Variants in NEGR1 observed in about 807,000 individuals in gnomAD.
NEGR1 encodes the protein neuronal growth regulator 1.
A neutral mutation model predicts 40.9 loss-of-function variants in NEGR1; 10 were observed. That is an observed-to-expected ratio of 0.24 (90% CI 0.15 to 0.42). The LOEUF (loss-of-function observed/expected upper bound fraction) is 0.42. Ranked by LOEUF, NEGR1 falls within the 10% of genes least tolerant of loss-of-function variation. NEGR1 has a pLI of 1.00. For missense variants in NEGR1, 352 were observed against 438.9 expected (o/e 0.80, Z 1.77); for synonymous variants, 185 against 166.8 (o/e 1.11, Z -0.84).
intron 1 of NEGR1, among the ~76,000 whole-genome samples, chr1:72,130,621 C>T (rs1650209985): frequency 6.6e-6 from 1 of 152,132 alleles, no homozygotes; most frequent in Admixed American, 6.6e-5. Context: ...TTTAGGGTGA[C>T]TCCAGTCACG....
At chr1:72,080,194 T>C (rs1461727759) in intron 1 of NEGR1, among the ~76,000 whole-genome samples, 1 of 152,128 alleles carries the variant, frequency 6.6e-6, no homozygotes, top group Admixed American at 6.6e-5. Flanking sequence ...ATCTACAATT[T>C]ATTATCAGGG....
intron 2 of NEGR1, among the ~76,000 whole-genome samples, chr1:71,782,945 A>C (rs1656767973): frequency 6.6e-6 from 1 of 152,028 alleles, no homozygotes; most frequent in Admixed American, 6.6e-5. Flanking sequence ...TTTTTAACAG[A>C]ATGGTCTGTC....
intron 2 of NEGR1, among the ~76,000 whole-genome samples, chr1:71,835,807 G>A (rs981059279): frequency 1.3e-5 from 2 of 152,054 alleles, no homozygotes; most frequent in Non-Finnish European, 2.9e-5. Flanking sequence ...GTGCTAGGAG[G>A]TTTATCACTT....
intron 6 of NEGR1, among the ~76,000 whole-genome samples, chr1:71,423,766 G>A (rs1429892934): frequency 2.0e-5 from 3 of 150,176 alleles, no homozygotes; most frequent in Non-Finnish European, 4.4e-5. Flanking sequence ...ATTTTTTTTT[G>A]TTAATCTCTT....
chr1:71,556,087 A>G (rs1183544871), intron 6 of NEGR1, among the ~76,000 whole-genome samples: 1 of 151,498 alleles, frequency 6.6e-6, no homozygotes, highest in Non-Finnish European at 1.5e-5. Flanking sequence ...TACTTAATAT[A>G]CCATGAGATG....
At chr1:71,726,374 A>G (rs767174890) in intron 3 of NEGR1, among the ~76,000 whole-genome samples, 8 of 152,130 alleles carry the variant, frequency 5.3e-5, no homozygotes, top group African/African-American at 7.2e-5. Context: ...TAACTGCATT[A>G]AGCATGATTC....
intron 1 of NEGR1, among the ~76,000 whole-genome samples, chr1:72,260,652 T>G (rs893179879): frequency 6.6e-6 from 1 of 152,080 alleles, no homozygotes; most frequent in Admixed American, 6.6e-5. Flanking sequence ...ACTGACTAAC[T>G]TGCCCCAGTA....
At chr1:71,503,374 C>T (rs1271177990) in intron 6 of NEGR1, among the ~76,000 whole-genome samples, 1 of 152,104 alleles carries the variant, frequency 6.6e-6, no homozygotes, top group Non-Finnish European at 1.5e-5. Flanking sequence ...AAAGCCCTCA[C>T]CCAGCGAAAA....
intron 2 of NEGR1, among the ~76,000 whole-genome samples, chr1:71,927,818 TAAAAAAAA>T (rs35429988): frequency 0.086 from 1,872 of 21,844 alleles, 16 homozygotes; most frequent in Middle Eastern, 0.12. Context: ...ACCCAATCTC[TAAAAAAAA>T]AAAAAAAAAA....
chr1:72,229,580 TG>T (rs754146683), intron 1 of NEGR1, among the ~76,000 whole-genome samples: 54 of 150,802 alleles, frequency 3.6e-4, no homozygotes, highest in Non-Finnish European at 7.1e-4. Context: ...GATTATAATC[TG>T]GAAAATATAC....
intron 1 of NEGR1, among the ~76,000 whole-genome samples, chr1:72,071,420 C>T (rs955713554): frequency 6.6e-6 from 1 of 151,962 alleles, no homozygotes; most frequent in African/African-American, 2.4e-5. Context: ...TAACAAGTAT[C>T]CCAAATTAGG....
intron 2 of NEGR1, among the ~76,000 whole-genome samples, chr1:71,840,027 A>C (rs1322839721): frequency 6.6e-6 from 1 of 152,188 alleles, no homozygotes; most frequent in Non-Finnish European, 1.5e-5. Flanking sequence ...ACAATAATGT[A>C]ATAAGGCTTT....
intron 2 of NEGR1, among the ~76,000 whole-genome samples, chr1:71,840,614 C>G (rs796833543): frequency 6.6e-6 from 1 of 152,114 alleles, no homozygotes; most frequent in South Asian, 2.1e-4. Context: ...TTATGATACT[C>G]AGAGTAATCA....
chr1:71,696,961 T>C (rs1008701557), intron 4 of NEGR1, among the ~76,000 whole-genome samples: 1 of 151,850 alleles, frequency 6.6e-6, no homozygotes, highest in Non-Finnish European at 1.5e-5. Flanking sequence ...ACCCTAAGTA[T>C]ATAGATTAGT....
chr1:72,093,004 C>A (rs1287952899), intron 1 of NEGR1, among the ~76,000 whole-genome samples: 3 of 151,956 alleles, frequency 2.0e-5, no homozygotes, highest in African/African-American at 4.8e-5. Flanking sequence ...GAATATTTTA[C>A]AAGCCTTGTA....
In NEGR1 at chr1:71,656,521, T is replaced by C. The variant is rs149724016; in HGVS notation, c.667+41487A>G. Among the ~76,000 whole-genome samples the C allele has an allele frequency of 6.0e-3, 914 of 152,286 alleles. 18 individuals are homozygous for C. Among genetic ancestry groups the C allele is most frequent in the African/African-American group, 0.02 (849 of 41,548 alleles). ...TCCACCTCCCGGGTTCACGCCATTC[T>C]CCTGCCTCAGCCTCCCGAGTAGCTG... On this transcript the variant is annotated intron_variant, in intron 4 of 6. Coordinates refer to ENST00000357731, the MANE Select transcript of NEGR1 (RefSeq NM_173808.3).
At chr1:72,008,781 T>C (rs977132213) in intron 1 of NEGR1, among the ~76,000 whole-genome samples, 10 of 151,996 alleles carry the variant, frequency 6.6e-5, no homozygotes, top group African/African-American at 9.7e-5. Context: ...TAAGTCAAAA[T>C]ATAAGGGCAT....
intron 1 of NEGR1, among the ~76,000 whole-genome samples, chr1:72,123,647 C>T (rs1271562104): frequency 6.6e-6 from 1 of 151,706 alleles, no homozygotes; most frequent in Non-Finnish European, 1.5e-5. Context: ...GAGGACATGT[C>T]ATAGGTAAAG....
At chr1:71,790,301 T>C (rs371527816) in intron 2 of NEGR1, among the ~76,000 whole-genome samples, 1 of 152,240 alleles carries the variant, frequency 6.6e-6, no homozygotes, top group East Asian at 1.9e-4. Flanking sequence ...AATCTGTATT[T>C]GGCTGTTTTG....
Sources: allele counts gnomAD v4.1 joint callset (sites outside exome capture counted in the v4.1 genomes callset), GRCh38; gene constraint gnomAD v4.1.1; transcripts MANE v1.5; gene names NCBI Gene and HGNC (gene_info 2026-07-23, HGNC 2026-07-21).